Variants in DUOX1 observed in about 807,000 individuals in gnomAD.
DUOX1 encodes NADPH thyroid oxidase 1.
In DUOX1, 134 loss-of-function variants were observed where a neutral mutation model predicts 181.8. The ratio of observed to expected loss-of-function variants is 0.74; its 90% CI spans 0.64 to 0.85. DUOX1 has a LOEUF of 0.85. Ranked by LOEUF, DUOX1 falls within the 40% of genes least tolerant of loss-of-function variation. The pLI is 0.00. For missense variants in DUOX1, 1,814 were observed against 2,064.4 expected (o/e 0.88, Z 2.35); for synonymous variants, 798 against 832.5 (o/e 0.96, Z 0.71).
At chr15:45,136,678 G>A in intron 9 of DUOX1, 53 bp downstream of exon 9, 1 of 1,575,926 alleles carries the variant, frequency 6.3e-7, no homozygotes, top group Non-Finnish European at 8.7e-7. Context: ...GCTGTCAACT[G>A]AGGAAAATCT....
chr15:45,152,565 C>T (rs751377096), intron 25 of DUOX1, 49 bp downstream of exon 25: 1 of 1,516,314 alleles, frequency 6.6e-7, no homozygotes, highest in East Asian at 2.3e-5. Context: ...CCCGCCCCCG[C>T]TGACTTCCCC....
intron 28 of DUOX1, among the ~76,000 whole-genome samples, chr15:45,157,060 T>C (rs1456603079): frequency 1.3e-5 from 2 of 152,218 alleles, no homozygotes; most frequent in Non-Finnish European, 2.9e-5. Context: ...AAAGAGAAAC[T>C]GCACCATGGC....
At chr15:45,136,766 C>A in intron 9 of DUOX1, 141 bp downstream of exon 9, 3 of 750,316 alleles carry the variant, frequency 4.0e-6, no homozygotes, top group Non-Finnish European at 6.6e-6. Context: ...GGGAAGAAAA[C>A]AATTGTTTTA....
rs767103115 is a variant in DUOX1 at position 45,164,832 on chromosome 15, G to A, written c.4587G>A (p.Val1529=). Residue 1529 remains valine (V), a synonymous_variant, in exon 34 of 34, where the codon GTG becomes GTA. Coordinates refer to ENST00000389037, the MANE Select transcript of DUOX1 (RefSeq NM_175940.3). ...GCCCCCCTGGCATGACCAAGAATGTGGAAAAGGCCTGTCAGCTCATCAACA... is the reference window on the plus strand; with the variant it reads ...GCCCCCCTGGCATGACCAAGAATGTAGAAAAGGCCTGTCAGCTCATCAACA... ...SCGPPGMTKN[V]EKACQLINRQ... is the part of the protein sequence containing the mutation. The A allele has an allele frequency of 6.2e-7, 1 of 1,614,100 alleles. No homozygotes were observed. Among genetic ancestry groups the A allele is most frequent in the South Asian group, 1.1e-5 (1 of 91,084 alleles).
In DUOX1 at chr15:45,139,467, C is replaced by G; in HGVS notation, c.1257C>G (p.His419Gln). The G allele has an allele frequency of 6.2e-7, 1 of 1,613,272 alleles. No individual in the cohort carries two copies. Among genetic ancestry groups the G allele is most frequent in the Non-Finnish European group, 8.5e-7 (1 of 1,179,776 alleles). The change falls in exon 12 of 34, where the codon CAC becomes CAG. Residue 419 changes from histidine (H) to glutamine (Q), a missense_variant. His to Gln is a conservative substitution (Grantham distance 24). Coordinates refer to ENST00000389037, the MANE Select transcript of DUOX1 (RefSeq NM_175940.3). ...CACTGAAGTTTTCCCGCACAGACCA[C>G]CTGGCCAGCTGCCTGCAGCGGGGCC... The part of the protein sequence containing the change: ...PGPLKFSRTD[H>Q]LASCLQRGRD...
At chr15:45,157,406 G>A (rs758562433) in intron 28 of DUOX1, among the ~76,000 whole-genome samples, 1 of 152,158 alleles carries the variant, frequency 6.6e-6, no homozygotes, top group Non-Finnish European at 1.5e-5. Context: ...AACTAGATGA[G>A]AGATCCAGAA....
chr15:45,161,602 G>C, intron 29 of DUOX1, 136 bp from the exon 30 acceptor site: 1 of 773,754 alleles, frequency 1.3e-6, no homozygotes. Flanking sequence ...GGCCCCCACA[G>C]GGTGAGCTTC....
chr15:45,143,595 C>T (rs3784579), intron 16 of DUOX1, among the ~76,000 whole-genome samples: 3,196 of 152,260 alleles, frequency 0.021, 107 homozygotes, highest in East Asian at 0.13. Context: ...TAGCATCTCA[C>T]GCTGGAACTC....
intron 16 of DUOX1, among the ~76,000 whole-genome samples, chr15:45,143,514 G>A (rs1156431418): frequency 6.6e-6 from 1 of 152,202 alleles, no homozygotes; most frequent in Non-Finnish European, 1.5e-5. Flanking sequence ...CTTACAGGGA[G>A]TAAGTGTAAG....
At chr15:45,149,202 G>A (rs946570862) in intron 21 of DUOX1, among the ~76,000 whole-genome samples, 1 of 152,236 alleles carries the variant, frequency 6.6e-6, no homozygotes, top group Non-Finnish European at 1.5e-5. Context: ...AGAAGGGGTA[G>A]GCTGAGCAGC....
intron 18 of DUOX1, 102 bp from the exon 19 acceptor site, chr15:45,147,331 C>T: frequency 6.8e-7 from 1 of 1,462,098 alleles, no homozygotes; most frequent in South Asian, 1.3e-5. Context: ...AGAGGGGGTC[C>T]TGGGCAGACA....
chr15:45,139,356 C>CT, intron 11 of DUOX1, 71 bp from the exon 12 acceptor site: 1 of 1,589,992 alleles, frequency 6.3e-7, no homozygotes, highest in East Asian at 2.2e-5. Context: ...CTGGTTGGAG[C>CT]TTGGGGCCTG....
intron 3 of DUOX1, 93 bp downstream of exon 3, chr15:45,134,040 C>T (rs971705705): frequency 1.3e-6 from 2 of 1,568,642 alleles, no homozygotes; most frequent in African/African-American, 2.7e-5. Context: ...AAAGGCCATC[C>T]ATTTCCAAGG....
chr15:45,151,972 T>A lies in DUOX1; in HGVS notation c.3113T>A (p.Ile1038Asn), dbSNP rs772947418. 6.2e-7 allele frequency: 1 copy of A among 1,614,014 alleles called. No homozygotes were observed. The highest frequency in any genetic ancestry group is 2.2e-5 in the East Asian group (1 of 44,840). The change falls in exon 24 of 34, where the codon ATT becomes AAT. Residue 1038 changes from isoleucine (I) to asparagine (N), a missense_variant. Physicochemically the swap from Ile to Asn is moderately radical, Grantham distance 149. This residue lies in a region of DUOX1 where 1,064 missense variants were observed against 1,152.9 expected (regional missense o/e 0.92). Coordinates refer to ENST00000389037, the MANE Select transcript of DUOX1 (RefSeq NM_175940.3). ...HQTVQQFKRF[I>N]ENYRRHIGCV... ...ACGGTGCAACAGTTCAAGCGCTTCA[T>A]TGAGAACTACCGGCGCCACATCGGC...
Position 45,135,280 on chromosome 15 carries a change from C to A in DUOX1, c.484C>A (p.Pro162Thr). ...CGAGACCGGACGGAGTCCCAGCAAT[C>A]CCCGGGACCCGGTGAGGCGGGGAAG... ...DPETGRSPSN[P>T]RDPANQVTGW... Residue 162 changes from proline (P) to threonine (T), a missense_variant, in exon 5 of 34, where the codon CCC becomes ACC. Coordinates refer to ENST00000389037, the MANE Select transcript of DUOX1 (RefSeq NM_175940.3). 2 of 1,609,582 alleles carry A rather than the reference C, an allele frequency of 1.2e-6. No individual in the cohort carries two copies. Among genetic ancestry groups the A allele is most frequent in the East Asian group, 4.5e-5 (2 of 44,648 alleles).
intron 1 of DUOX1, 172 bp from the exon 2 acceptor site, chr15:45,131,746 T>C: frequency 1.7e-6 from 1 of 590,424 alleles, no homozygotes; most frequent in Non-Finnish European, 3.0e-6. Context: ...GTGGTGCTCA[T>C]GAAGTATTTG....
chr15:45,151,358 G>A, intron 23 of DUOX1, 110 bp downstream of exon 23: 8 of 1,416,340 alleles, frequency 5.6e-6, no homozygotes, highest in Non-Finnish European at 7.6e-6. Flanking sequence ...TACAGGCAGG[G>A]TGAATAGTCC....
At chr15:45,145,817 A>C (rs1158914392) in intron 18 of DUOX1, among the ~76,000 whole-genome samples, 2 of 152,082 alleles carry the variant, frequency 1.3e-5, no homozygotes, top group African/African-American at 2.4e-5. Flanking sequence ...TGGGAGGCTG[A>C]GGCAGGAGAA....
chr15:45,143,995 G>A, intron 16 of DUOX1, 41 bp from the exon 17 acceptor site: 2 of 1,606,346 alleles, frequency 1.2e-6, no homozygotes, highest in South Asian at 2.2e-5. Context: ...ATGTACCTCT[G>A]ATGGGTCCCA....
Sources: gnomAD v4.1 joint callset for allele counts (sites outside exome capture counted in the v4.1 genomes callset) on GRCh38, gnomAD v4.1.1 for gene constraint, gnomAD v4.1.1 regional missense constraint, MANE v1.5 for transcripts, NCBI Gene and HGNC (gene_info 2026-07-23, HGNC 2026-07-21) for gene names.